The following GABRA3 variants were observed in gnomAD, a reference collection of about 807,000 sequenced individuals.
The protein encoded by GABRA3 is gamma-aminobutyric acid type A receptor subunit alpha3.
GABRA3 carries 10 observed loss-of-function variants against 30.1 expected under a neutral mutation model. The observed-to-expected ratio is 0.33, with a 90% CI of 0.20 to 0.56. The LOEUF (loss-of-function observed/expected upper bound fraction) is 0.56. GABRA3 is among the 20% of genes least tolerant of loss of function. The probability of loss-of-function intolerance (pLI) is 0.89; values close to 1 mark genes in which losing one functional copy is unlikely to be tolerated. For missense variants in GABRA3, 233 were observed against 392.0 expected, an observed-to-expected ratio of 0.59 and a Z score of 3.42; for synonymous variants, 151 against 146.8, an observed-to-expected ratio of 1.03 and a Z score of -0.21.
At chrX:152,316,215 T>A (rs961972830) in intron 3 of GABRA3, among the ~76,000 whole-genome samples, 1 of 110,113 alleles carries the variant, frequency 9.1e-6, no homozygotes, top group African/African-American at 3.3e-5. Context: ...CAAACTGTAC[T>A]GAAAAGTCTC....
At chrX:152,427,515 G>C (rs749967421) in intron 1 of GABRA3, among the ~76,000 whole-genome samples, 1 of 111,882 alleles carries the variant, frequency 8.9e-6, no homozygotes, top group Non-Finnish European at 1.9e-5. Flanking sequence ...CTTCATTAAA[G>C]AAAATTTACC....
chrX:152,378,391 A>G (rs1929053544), intron 1 of GABRA3, among the ~76,000 whole-genome samples: 1 of 112,031 alleles, frequency 8.9e-6, no homozygotes, highest in South Asian at 3.7e-4. Context: ...TAAACAATAA[A>G]CTAGATGATT....
At chrX:152,371,626 C>T (rs766996909) in intron 1 of GABRA3, among the ~76,000 whole-genome samples, 17 of 111,389 alleles carry the variant, frequency 1.5e-4, no homozygotes, top group Middle Eastern at 4.6e-3. Context: ...TTCCTCCAAC[C>T]CTTTCTCAAT....
At chrX:152,289,520 C>G (rs1477037591) in intron 3 of GABRA3, among the ~76,000 whole-genome samples, 3 of 99,483 alleles carry the variant, frequency 3.0e-5, no homozygotes, top group Non-Finnish European at 6.2e-5. Flanking sequence ...TTCTTTCTTT[C>G]TTTTTTTAAA....
chrX:152,262,518 G>A (rs922763895), intron 4 of GABRA3, among the ~76,000 whole-genome samples: 27 of 111,760 alleles, frequency 2.4e-4, no homozygotes, highest in Admixed American at 1.6e-3. Flanking sequence ...AAATTTCACC[G>A]GTCTCTTTGC....
chrX:152,229,870 C>A (rs1360767364), intron 5 of GABRA3, among the ~76,000 whole-genome samples: 1 of 110,906 alleles, frequency 9.0e-6, no homozygotes, highest in Non-Finnish European at 1.9e-5. Flanking sequence ...AAAACAAAAC[C>A]AGGAAGATGA....
At chrX:152,280,120 T>C (rs897397565) in intron 4 of GABRA3, among the ~76,000 whole-genome samples, 3 of 111,337 alleles carry the variant, frequency 2.7e-5, no homozygotes, top group Non-Finnish European at 3.8e-5. Flanking sequence ...TCCTGCCTGA[T>C]TGCCCTGGCC....
At chrX:152,233,851 G>A (rs989717837) in intron 5 of GABRA3, among the ~76,000 whole-genome samples, 1 of 106,435 alleles carries the variant, frequency 9.4e-6, no homozygotes, top group Non-Finnish European at 1.9e-5. Flanking sequence ...ATACACCATG[G>A]AATACTATGC....
At chrX:152,173,238 G>A (rs916830509) in intron 9 of GABRA3, among the ~76,000 whole-genome samples, 2 of 108,847 alleles carry the variant, frequency 1.8e-5, no homozygotes, top group African/African-American at 6.7e-5. Context: ...CTGTAAAGGC[G>A]GTGGGGGGGT....
chrX:152,225,187 T>C (rs962295833), intron 5 of GABRA3, among the ~76,000 whole-genome samples: 1 of 110,229 alleles, frequency 9.1e-6, no homozygotes, highest in African/African-American at 3.3e-5. Flanking sequence ...CTGATTGCAG[T>C]TTAATTATTT....
At chrX:152,175,256 T>TC (rs1937058495) in intron 9 of GABRA3, among the ~76,000 whole-genome samples, 1 of 110,904 alleles carries the variant, frequency 9.0e-6, no homozygotes, top group Non-Finnish European at 1.9e-5. Flanking sequence ...ATGGATTTTT[T>TC]TTTTTTTTCG....
chrX:152,365,998 A>G lies in GABRA3; in HGVS notation c.-26-1402T>C, dbSNP rs768008145. ...CAATTTCTTATGGTCAACCTAATATAAGAGCTGTGACATCCATGCTTCATG... is the reference window on the plus strand; with the variant it reads ...CAATTTCTTATGGTCAACCTAATATGAGAGCTGTGACATCCATGCTTCATG... On this transcript the variant is annotated intron_variant, in intron 1 of 9. Transcript: ENST00000370314. 3.6e-5 allele frequency among the ~76,000 whole-genome samples: 4 copies of G among 112,087 alleles called. No homozygotes were observed. In the East Asian group the frequency reaches 1.1e-3, roughly 31 times the overall value.
At chrX:152,308,363 G>T (rs1218453453) in intron 3 of GABRA3, among the ~76,000 whole-genome samples, 1 of 112,434 alleles carries the variant, frequency 8.9e-6, no homozygotes, top group Non-Finnish European at 1.9e-5. Flanking sequence ...TGCAGCTGCT[G>T]CCCTGATTAA....
At chrX:152,202,107 G>A (rs1005090228) in intron 7 of GABRA3, among the ~76,000 whole-genome samples, 1 of 111,718 alleles carries the variant, frequency 9.0e-6, no homozygotes, top group African/African-American at 3.3e-5. Flanking sequence ...TTTAATACAT[G>A]TTTGAATCTG....
chrX:152,247,939 G>T (rs890083344), intron 5 of GABRA3, among the ~76,000 whole-genome samples: 2 of 111,141 alleles, frequency 1.8e-5, no homozygotes, highest in African/African-American at 6.5e-5. Context: ...AGTTTTTGTT[G>T]TGGTGGTTGT....
intron 9 of GABRA3, among the ~76,000 whole-genome samples, chrX:152,175,766 T>C (rs1289103863): frequency 9.0e-6 from 1 of 111,218 alleles, no homozygotes; most frequent in Non-Finnish European, 1.9e-5. Flanking sequence ...AAGTGATTCA[T>C]TAAGAATCAT....
At chrX:152,172,573 A>C (rs1160797554) in intron 9 of GABRA3, among the ~76,000 whole-genome samples, 1 of 111,908 alleles carries the variant, frequency 8.9e-6, no homozygotes, top group Non-Finnish European at 1.9e-5. Context: ...AATAAACAAA[A>C]TGTGGTATAT....
intron 2 of GABRA3, among the ~76,000 whole-genome samples, chrX:152,347,968 G>A (rs1267833118): frequency 9.0e-6 from 1 of 111,593 alleles, no homozygotes; most frequent in South Asian, 3.7e-4. Flanking sequence ...TCATGCTACT[G>A]CATGGGCAAC....
chrX:152,386,475 A>C (rs1315587158), intron 1 of GABRA3, among the ~76,000 whole-genome samples: 10 of 111,007 alleles, frequency 9.0e-5, no homozygotes, highest in African/African-American at 1.3e-4. Context: ...ACCCCATCAA[A>C]AAGTGGGCGA....
Sources: gnomAD v4.1 joint callset for allele counts (sites outside exome capture counted in the v4.1 genomes callset) on GRCh38, gnomAD v4.1.1 for gene constraint, MANE v1.5 for transcripts, NCBI Gene and HGNC (gene_info 2026-07-23, HGNC 2026-07-21) for gene names.